Variants in ANKRD30B observed in about 807,000 individuals in gnomAD.
ANKRD30B encodes ankyrin repeat domain-containing protein 30B.
ANKRD30B carries 144 observed loss-of-function variants against 202.2 expected under a neutral mutation model. The observed-to-expected ratio is 0.71, with a 90% CI of 0.62 to 0.82. The LOEUF is 0.82. ANKRD30B is among the 40% of genes least tolerant of loss of function. The pLI, the probability that ANKRD30B is intolerant of heterozygous loss-of-function variation, is 0.00. For synonymous variants in ANKRD30B, 508 were observed against 561.3 expected (o/e 0.91, Z 1.34); for missense variants, 1,487 against 1,669.1 (o/e 0.89, Z 1.90).
At chr18:14,905,331 T>C in the ANKRD30B span, 1 of 152,262 alleles carries the variant, frequency 6.6e-6, no homozygotes, top group East Asian at 1.9e-4. Flanking sequence ...CCTTGGGGTC[T>C]GGATCCTGAC....
chr18:14,754,944 C>T lies in ANKRD30B; in HGVS notation c.556C>T (p.Gln186Ter), dbSNP rs1481826836. 1.9e-6 allele frequency: 3 copies of T among 1,560,120 alleles called. No individual in the cohort carries two copies. The highest frequency in any genetic ancestry group is 2.6e-6 in the Non-Finnish European group (3 of 1,151,576). ...LLLAIQKRSK[Q>*]TVEFLLTKNA... ...ACTGGCCATACAGAAAAGAAGCAAG[C>T]AAACTGTGGAATTTTTACTAACAAA... Residue 186 changes from glutamine (Q) to a stop codon, truncating the protein, a stop_gained, in exon 4 of 44, where the codon CAA becomes TAA. Transcript: ENST00000690538. LOFTEE classifies it high-confidence loss of function.
chr18:14,775,916 TC>T (rs1194197921), intron 9 of ANKRD30B, among the ~76,000 whole-genome samples: 1 of 152,244 alleles, frequency 6.6e-6, no homozygotes, highest in Non-Finnish European at 1.5e-5. Flanking sequence ...AAAATAGCGC[TC>T]ATATCTACCT....
the ANKRD30B span, among the ~76,000 whole-genome samples, chr18:14,921,132 T>G: frequency 6.6e-6 from 1 of 151,962 alleles, no homozygotes; most frequent in Non-Finnish European, 1.5e-5. Context: ...TCAGCAGTGG[T>G]GGAGAGGGCA....
intron 26 of ANKRD30B, among the ~76,000 whole-genome samples, chr18:14,809,013 C>T (rs1172800630): frequency 6.6e-6 from 1 of 150,390 alleles, no homozygotes; most frequent in African/African-American, 2.5e-5. Context: ...CCAGGTGGAT[C>T]GGCAGGTTGA....
intron 15 of ANKRD30B, among the ~76,000 whole-genome samples, chr18:14,789,662 G>A (rs1968330669): frequency 6.6e-6 from 1 of 152,110 alleles, no homozygotes; most frequent in Non-Finnish European, 1.5e-5. Flanking sequence ...TTTCCCCATT[G>A]CTTGTTTTTC....
chr18:14,843,553 CTGTGTGTGTGTGTGTGTGTGTG>C (rs56044501), intron 39 of ANKRD30B, among the ~76,000 whole-genome samples: 168 of 145,372 alleles, frequency 1.2e-3, no homozygotes, highest in Non-Finnish European at 2.2e-3. Flanking sequence ...AGCTTACTTT[CTGTGTGTGTGTGTGTGTGTGTG>C]TGTGTGTGTG....
chr18:14,818,667 C>T (rs368665457), intron 30 of ANKRD30B, among the ~76,000 whole-genome samples: 2 of 151,854 alleles, frequency 1.3e-5, no homozygotes, highest in African/African-American at 2.4e-5. Flanking sequence ...CAGTTTCATC[C>T]ATGTCCCTAC....
intron 30 of ANKRD30B, among the ~76,000 whole-genome samples, chr18:14,820,323 C>A (rs1970349878): frequency 6.6e-6 from 1 of 152,180 alleles, no homozygotes; most frequent in African/African-American, 2.4e-5. Context: ...GACAATTTGA[C>A]TTCCTCTTTT....
At chr18:14,774,691 A>T (rs1967239192) in intron 9 of ANKRD30B, among the ~76,000 whole-genome samples, 2 of 152,194 alleles carry the variant, frequency 1.3e-5, no homozygotes, top group South Asian at 4.1e-4. Context: ...TCCACACAAG[A>T]GGTAATTAAT....
the ANKRD30B span, among the ~76,000 whole-genome samples, chr18:14,930,401 G>T: frequency 6.6e-6 from 1 of 152,162 alleles, no homozygotes; most frequent in South Asian, 2.1e-4. Context: ...GGACTCCTCT[G>T]AAGTTAAATT....
intron 18 of ANKRD30B, 41 bp from the exon 19 acceptor site, chr18:14,797,620 G>T: frequency 1.3e-6 from 2 of 1,578,884 alleles, no homozygotes; most frequent in Non-Finnish European, 1.7e-6. Context: ...GGCTTTGTCA[G>T]GCTTGCATAT....
At position 14,784,564 on chromosome 18, in the gene ANKRD30B, A is replaced by T. The variant is rs144730951; in HGVS notation, c.1672+29A>T. On this transcript the variant is annotated intron_variant, in intron 14 of 43. Coordinates refer to ENST00000690538, the MANE Select transcript of ANKRD30B (RefSeq NM_001367607.2). ...AATTTTTCAATTTAACTATGCAAAG[A>T]TGAATAGTTCAATATTGGACATTTT... 1.3e-4 allele frequency: 207 copies of T among 1,587,590 alleles called. 1 individual carries two copies. In the Middle Eastern group the frequency reaches 2.1e-3, roughly 16 times the overall value.
chr18:14,907,233 C>T, the ANKRD30B span, among the ~76,000 whole-genome samples: 1 of 151,894 alleles, frequency 6.6e-6, no homozygotes, highest in Non-Finnish European at 1.5e-5. Context: ...TAAGAGTGCC[C>T]TGGCCTAGGA....
chr18:14,846,570 A>G (rs1042691377), intron 39 of ANKRD30B, among the ~76,000 whole-genome samples: 1 of 147,168 alleles, frequency 6.8e-6, no homozygotes, highest in Non-Finnish European at 1.5e-5. Flanking sequence ...TTGCAGTTCT[A>G]TCTATTTTTG....
At chr18:14,790,408 C>T (rs1259502078) in intron 15 of ANKRD30B, among the ~76,000 whole-genome samples, 2 of 152,116 alleles carry the variant, frequency 1.3e-5, no homozygotes, top group South Asian at 4.1e-4. Context: ...ATGCCCTGGC[C>T]AGAACTTACA....
intron 3 of ANKRD30B, 82 bp from the exon 4 acceptor site, chr18:14,754,817 T>C (rs987661237): frequency 8.5e-6 from 8 of 939,750 alleles, no homozygotes; most frequent in Non-Finnish European, 1.2e-5. Context: ...GTGTTTAAGT[T>C]AATAGGATAT....
chr18:14,752,513 A>G (rs1344062426), intron 1 of ANKRD30B, 53 bp from the exon 2 acceptor site: 3 of 1,343,534 alleles, frequency 2.2e-6, no homozygotes, highest in East Asian at 4.7e-5. Context: ...AAATCGTTGT[A>G]TGTTTTGAGA....
chr18:14,858,474 G>C (rs1295766729), downstream of ANKRD30B, among the ~76,000 whole-genome samples: 1 of 88,066 alleles, frequency 1.1e-5, no homozygotes, highest in Non-Finnish European at 2.3e-5. Flanking sequence ...CAGCCAGGCA[G>C]AGGCACTCCT....
chr18:14,753,173 A>G (rs1431108679), intron 3 of ANKRD30B, among the ~76,000 whole-genome samples, 161 bp downstream of exon 3: 2 of 152,204 alleles, frequency 1.3e-5, no homozygotes, highest in Non-Finnish European at 2.9e-5. Flanking sequence ...TTAATTTTTT[A>G]AAAGAACTAT....
Sources: allele counts gnomAD v4.1 joint callset (sites outside exome capture counted in the v4.1 genomes callset), GRCh38; gene constraint gnomAD v4.1.1; transcripts MANE v1.5; gene names NCBI Gene and HGNC (gene_info 2026-07-23, HGNC 2026-07-21).